BNIP3L: variants seen among roughly 807,000 people sequenced by gnomAD.
BNIP3L encodes the protein BCL2 interacting protein 3 like, also known as BCL2/adenovirus E1B 19 kDa protein-interacting protein 3-like.
A neutral mutation model predicts 25.5 loss-of-function variants in BNIP3L; 10 were observed. The ratio of observed to expected loss-of-function variants is 0.39; its 90% CI spans 0.24 to 0.67. The LOEUF (loss-of-function observed/expected upper bound fraction) is 0.67, where lower values mean the gene tolerates loss of function less well. Among genes scored for constraint, BNIP3L ranks in the 30% least tolerant of loss-of-function variants. The pLI, the probability that BNIP3L is intolerant of heterozygous loss-of-function variation, is 0.45. For missense variants in BNIP3L, 215 were observed against 270.9 expected, an observed-to-expected ratio of 0.79 and a Z score of 1.45; for synonymous variants, 113 against 101.2, an observed-to-expected ratio of 1.12 and a Z score of -0.70.
At chr8:26,383,849 T>G (rs1805919321) in intron 1 of BNIP3L, among the ~76,000 whole-genome samples, 2 of 151,666 alleles carry the variant, frequency 1.3e-5, no homozygotes, top group South Asian at 4.1e-4. Flanking sequence ...TTGCTTCTCC[T>G]TTTTCCTTTT....
At chr8:26,391,773 C>T (rs954172463) in intron 2 of BNIP3L, among the ~76,000 whole-genome samples, 2 of 152,222 alleles carry the variant, frequency 1.3e-5, no homozygotes, top group Non-Finnish European at 2.9e-5. Flanking sequence ...AGATCACAGA[C>T]TGTTCTTGAA....
intron 5 of BNIP3L, among the ~76,000 whole-genome samples, chr8:26,408,891 AG>A (rs775328720): frequency 0.4 from 29,470 of 73,762 alleles, 4,169 homozygotes; most frequent in East Asian, 0.5. Context: ...AAAAAAAAAA[AG>A]AAGATGTTCA....
intron 3 of BNIP3L, among the ~76,000 whole-genome samples, chr8:26,403,740 A>G (rs936427913): frequency 6.6e-6 from 1 of 151,768 alleles, no homozygotes; most frequent in African/African-American, 2.4e-5. Context: ...GAGTCTCGCT[A>G]TATTGCCCAG....
chr8:26,385,571 C>T (rs189368685), intron 1 of BNIP3L, among the ~76,000 whole-genome samples: 39 of 148,730 alleles, frequency 2.6e-4, no homozygotes, highest in African/African-American at 9.2e-4. Flanking sequence ...CCACTGCACT[C>T]CAGCCTGGGT....
At position 26,405,410 on chromosome 8, in the gene BNIP3L, A is replaced by G. The variant is rs143394349; in HGVS notation, c.358-2590A>G. Among the ~76,000 whole-genome samples the G allele has an allele frequency of 4.0e-3, 613 of 152,336 alleles. 3 individuals carry two copies. Among genetic ancestry groups the G allele is most frequent in the African/African-American group, 0.013 (558 of 41,586 alleles). On this transcript the variant is annotated intron_variant, in intron 3 of 5. Transcript: ENST00000380629. Reference sequence around the variant, plus strand: ...TGATTCTGAGTAATCTCAATAGCCAATGGAAGGAGCTTAATCCTAAATGCT... The same window carrying G: ...TGATTCTGAGTAATCTCAATAGCCAGTGGAAGGAGCTTAATCCTAAATGCT...
intron 3 of BNIP3L, among the ~76,000 whole-genome samples, chr8:26,405,846 C>T (rs1203668923): frequency 7.1e-6 from 1 of 140,604 alleles, no homozygotes; most frequent in African/African-American, 2.7e-5. Flanking sequence ...AGTTCGAGAC[C>T]AGCCTGGCCA....
rs1322717833 is a variant in BNIP3L, at chr8:26,412,108, T to C, written c.*1696T>C. 1 of 152,280 alleles carries C rather than the reference T, an allele frequency of 6.6e-6. No individual in the cohort carries two copies. Among genetic ancestry groups the C allele is most frequent in the African/African-American group, 2.4e-5 (1 of 41,476 alleles). The allele number at this position is 152,280 out of a possible 1,614,324, so 9.4% of individuals were successfully genotyped here. Reference sequence around the variant, plus strand: ...TTTTGAAAGTAATTTTCTTTTTTCTTTCTAGCATTTGATGTCTAAATAATT... The same window carrying C: ...TTTTGAAAGTAATTTTCTTTTTTCTCTCTAGCATTTGATGTCTAAATAATT... On this transcript the variant is annotated 3_prime_UTR_variant, in exon 6 of 6. Coordinates refer to ENST00000380629, the MANE Select transcript of BNIP3L (RefSeq NM_004331.3).
At chr8:26,388,295 T>C (rs1177871280) in intron 1 of BNIP3L, among the ~76,000 whole-genome samples, 1 of 152,218 alleles carries the variant, frequency 6.6e-6, no homozygotes, top group African/African-American at 2.4e-5. Flanking sequence ...TTGTTCTGCG[T>C]GCTATATTCA....
At chr8:26,394,650 T>C (rs1806191242) in intron 2 of BNIP3L, among the ~76,000 whole-genome samples, 1 of 152,246 alleles carries the variant, frequency 6.6e-6, no homozygotes, top group Non-Finnish European at 1.5e-5. Context: ...CAGCTGGTTC[T>C]CATCTGTGTT....
intron 1 of BNIP3L, among the ~76,000 whole-genome samples, chr8:26,383,685 C>A (rs1160802444): frequency 1.3e-5 from 2 of 149,512 alleles, no homozygotes; most frequent in African/African-American, 4.9e-5. Flanking sequence ...CGGGACGTGT[C>A]GGGGATCAGG....
At chr8:26,405,824 C>G (rs1393297336) in intron 3 of BNIP3L, among the ~76,000 whole-genome samples, 1 of 150,820 alleles carries the variant, frequency 6.6e-6, no homozygotes, top group East Asian at 2.0e-4. Context: ...GTGTAGATCA[C>G]TTGAGGTCAG....
At position 26,395,314 on chromosome 8, in the gene BNIP3L, G is replaced by T; in HGVS notation, c.357+12G>T. 6.2e-7 allele frequency: 1 copy of T among 1,611,476 alleles called. No individual in the cohort carries two copies. Among genetic ancestry groups the T allele is most frequent in the Non-Finnish European group, 8.5e-7 (1 of 1,178,476 alleles). ...ACCATAGCTCTCAGGTGTGTCGGGG[G>T]GATTCTGATTTACAGTAAACAATTA... On this transcript the variant is annotated intron_variant, in intron 3 of 5. Transcript: ENST00000380629.
intron 2 of BNIP3L, among the ~76,000 whole-genome samples, chr8:26,394,216 A>G (rs1196669054): frequency 6.6e-6 from 1 of 152,144 alleles, no homozygotes; most frequent in Admixed American, 6.5e-5. Context: ...GCAGTTTGTG[A>G]TCATGTTGTT....
intron 3 of BNIP3L, among the ~76,000 whole-genome samples, chr8:26,401,672 A>G (rs1278838421): frequency 6.6e-6 from 1 of 151,732 alleles, no homozygotes; most frequent in Non-Finnish European, 1.5e-5. Flanking sequence ...AGACATGAAG[A>G]CTTTTTTTTG....
intron 3 of BNIP3L, among the ~76,000 whole-genome samples, chr8:26,403,782 C>G (rs551861033): frequency 6.6e-6 from 1 of 152,212 alleles, no homozygotes; most frequent in African/African-American, 2.4e-5. Context: ...TCAAATGATC[C>G]TCCCATGTCG....
At chr8:26,390,373 C>CCTT in intron 1 of BNIP3L, 8 of 985,400 alleles carry the variant, frequency 8.1e-6, no homozygotes, top group Non-Finnish European at 9.6e-6. Flanking sequence ...TGGCTCCACC[C>CCTT]CTTCAACTTT....
At chr8:26,388,749 T>C (rs1044477814) in intron 1 of BNIP3L, among the ~76,000 whole-genome samples, 15 of 151,924 alleles carry the variant, frequency 9.9e-5, no homozygotes, top group East Asian at 1.9e-4. Context: ...GGTGGGAGGA[T>C]TGCTGAAGCC....
chr8:26,406,410 G>C (rs181750102), intron 3 of BNIP3L, among the ~76,000 whole-genome samples: 1 of 152,308 alleles, frequency 6.6e-6, no homozygotes, highest in East Asian at 1.9e-4. Flanking sequence ...TACTGGCCCT[G>C]CTATGTACTG....
intron 5 of BNIP3L, 136 bp from the exon 6 acceptor site, chr8:26,410,228 T>C (rs1806591217): frequency 1.1e-6 from 1 of 877,628 alleles, no homozygotes; most frequent in Admixed American, 2.6e-5. Context: ...GATTTCACGG[T>C]GTTTGGGGAG....
Sources: gnomAD v4.1 joint callset for allele counts (sites outside exome capture counted in the v4.1 genomes callset) on GRCh38, gnomAD v4.1.1 for gene constraint, MANE v1.5 for transcripts, NCBI Gene and HGNC (gene_info 2026-07-23, HGNC 2026-07-21) for gene names.